PRR22: variants seen among roughly 807,000 people sequenced by gnomAD.
PRR22 encodes proline-rich protein 22.
PRR22 carries 5 observed loss-of-function variants against 7.2 expected under a neutral mutation model. That is an observed-to-expected ratio of 0.69 (90% CI 0.36 to 1.45). PRR22 has a LOEUF of 1.45. Ranked by LOEUF, PRR22 falls within the 40% of genes most tolerant of loss-of-function variation. The pLI is 0.03. For synonymous variants in PRR22, 319 were observed against 269.3 expected (o/e 1.18, Z -1.81); for missense variants, 619 against 568.8 (o/e 1.09, Z -0.90).
rs2056816075 is a variant in PRR22, at chr19:5,783,934, C to T, written c.313G>A (p.Ala105Thr). ...YKLAASSGGP[A>T]GVPSAPGSYL... ...CTGCCTGGGGCGGAGGGGACCCCCG[C>T]TGGCCCCCCGCTGCTTGCTGCCAGC... The change falls in exon 3 of 3, where the codon GCG becomes ACG. Residue 105 changes from alanine to threonine, a missense_variant. Coordinates refer to ENST00000419421, the MANE Select transcript of PRR22 (RefSeq NM_001134316.2). 1.9e-6 allele frequency: 3 copies of T among 1,584,150 alleles called. No homozygotes were observed. Among genetic ancestry groups the T allele is most frequent in the Admixed American group, 1.8e-5 (1 of 54,060 alleles).
chr19:5,784,604 C>T lies in PRR22; in HGVS notation c.57G>A (p.Pro19=), dbSNP rs576243003. Reference sequence around the variant, plus strand: ...GCACCTCAGCCCCCTCCAGACTCTGCGGGCTGAAACCTTCCTGGGGAGCTG... The same window carrying T: ...GCACCTCAGCCCCCTCCAGACTCTGTGGGCTGAAACCTTCCTGGGGAGCTG... ...APAAPQEGFS[P]QSLEGAEVLG... is the part of the protein sequence containing the mutation. The change falls in exon 1 of 3, where the codon CCG becomes CCA. Residue 19 remains proline (P), a synonymous_variant. Transcript: ENST00000419421. The T allele has an allele frequency of 1.0e-4, 154 of 1,540,752 alleles. No homozygotes were observed. Among genetic ancestry groups the T allele is most frequent in the Middle Eastern group, 2.2e-4 (1 of 4,632 alleles).
rs1425578762 is a variant in PRR22 at position 5,783,855 on chromosome 19, G to A, written c.392C>T (p.Pro131Leu). 3 of 1,563,136 alleles carry A rather than the reference G, an allele frequency of 1.9e-6. No individual in the cohort carries two copies. In the African/African-American group the frequency reaches 4.1e-5, roughly 21 times the overall value. ...CCCCCCGGGTGCCTGCTGGTAGTGG[G>A]GGTATGGAGGCAGCCCCGGGGCCTT... is the stretch of plus-strand genomic sequence containing the variant. ...YLKAPGLPPY[P>L]HYQQAPGGPQ... The change falls in exon 3 of 3, where the codon CCC becomes CTC. Residue 131 changes from proline (P) to leucine (L), a missense_variant. Coordinates refer to ENST00000419421, the MANE Select transcript of PRR22 (RefSeq NM_001134316.2).
Position 5,783,258 on chromosome 19 carries a change from C to A in PRR22, c.989G>T (p.Cys330Phe). 2 of 1,612,846 alleles carry A rather than the reference C, an allele frequency of 1.2e-6. No individual in the cohort carries two copies. Among genetic ancestry groups the A allele is most frequent in the Admixed American group, 1.7e-5 (1 of 60,016 alleles). ...AAAGGACAGCAGCTCCTCGGGCAGG[C>A]ACAGCGAGCGGATGTCATCGGCTGA... ...GNSADDIRSL[C>F]LPEELLSFDY... The change falls in exon 3 of 3, where the codon TGC (cysteine) becomes TTC (phenylalanine). Residue 330 changes from cysteine (C) to phenylalanine (F), a missense_variant. By Grantham distance (205) the Cys-to-Phe change is radical. Transcript: ENST00000419421.
Position 5,783,284 on chromosome 19 carries a change from G to A in PRR22, c.963C>T (p.Asn321=), listed in dbSNP as rs753864833. The part of the protein sequence containing the change: ...GPALPDSSGG[N]SADDIRSLCL... ...ACAGCGAGCGGATGTCATCGGCTGA[G>A]TTCCCACCACTGCTGTCAGGCAGGG... The change falls in exon 3 of 3, where the codon AAC becomes AAT. Residue 321 remains asparagine (N), a synonymous_variant. Coordinates refer to ENST00000419421, the MANE Select transcript of PRR22 (RefSeq NM_001134316.2). The A allele has an allele frequency of 9.9e-6, 16 of 1,612,880 alleles. No homozygotes were observed. Among genetic ancestry groups the A allele is most frequent in the Admixed American group, 3.3e-5 (2 of 60,022 alleles).
In PRR22 at chr19:5,783,603, T is replaced by C. The variant is rs2436489; in HGVS notation, c.644A>G (p.Gln215Arg). 2 of 1,548,576 alleles carry C rather than the reference T, an allele frequency of 1.3e-6. No homozygotes were observed. The highest frequency in any genetic ancestry group is 2.9e-5 in the African/African-American group (2 of 68,980). Residue 215 changes from glutamine (Q) to arginine (R), a missense_variant, in exon 3 of 3, where the codon CAG becomes CGG. By Grantham distance (43) the Gln-to-Arg change is conservative. Coordinates refer to ENST00000419421, the MANE Select transcript of PRR22 (RefSeq NM_001134316.2). Reference sequence around the variant, plus strand: ...CCCAGGGAAGTGGCCGAGGTGACCCTGGAGGTGGCTGTAGGCGTCTGGGGG... The same window carrying C: ...CCCAGGGAAGTGGCCGAGGTGACCCCGGAGGTGGCTGTAGGCGTCTGGGGG... ...TLPPDAYSHL[Q>R]GHLGHFPGPE...
rs768437778 is a variant in PRR22 at position 5,784,009 on chromosome 19, A to G, written c.238T>C (p.Tyr80His). 4 of 1,610,644 alleles carry G rather than the reference A, an allele frequency of 2.5e-6. No homozygotes were observed. The highest frequency in any genetic ancestry group is 3.4e-6 in the Non-Finnish European group (4 of 1,178,854). The change falls in exon 3 of 3, where the codon TAT (tyrosine) becomes CAT (histidine). Residue 80 changes from tyrosine to histidine, a missense_variant. Physicochemically the swap from Tyr to His is moderately conservative, Grantham distance 83 (BLOSUM62 2). Coordinates refer to ENST00000419421, the MANE Select transcript of PRR22 (RefSeq NM_001134316.2). ...PCGCFFDPRI[Y>H]RIEWTTPDLG... Reference sequence around the variant, plus strand: ...TCGGGGGTGGTCCACTCGATCCGATAGATGCGGGGGTCGAAGAAGCACCCG... The same window carrying G: ...TCGGGGGTGGTCCACTCGATCCGATGGATGCGGGGGTCGAAGAAGCACCCG...
rs1227049689 is a variant in PRR22 at position 5,784,436 on chromosome 19, G to A, written c.134C>T (p.Ser45Phe). ...TCAEPPPAMG[S>F]LNLYHPPDPE... ...GTCTGGGGGATGATACAGGTTCAAG[G>A]AGCCTGTGGACAAAGGTGCCCAGGT... is the stretch of plus-strand genomic sequence containing the variant. Residue 45 changes from serine (S) to phenylalanine (F), a missense_variant, in exon 2 of 3, where the codon TCC becomes TTC. Ser to Phe is a radical substitution (Grantham distance 155). Coordinates refer to ENST00000419421, the MANE Select transcript of PRR22 (RefSeq NM_001134316.2). 5.1e-6 allele frequency: 8 copies of A among 1,559,234 alleles called. No homozygotes were observed. The highest frequency in any genetic ancestry group is 2.0e-5 in the Admixed American group (1 of 51,238).
At chr19:5,784,222 G>A (rs1380529974) in intron 2 of PRR22, 155 bp downstream of exon 2, 10 of 1,075,132 alleles carry the variant, frequency 9.3e-6, no homozygotes, top group South Asian at 7.6e-5. Context: ...ATGACACAGA[G>A]CTTGTCTTTG....
Position 5,783,582 on chromosome 19 carries a change from G to A in PRR22, c.665C>T (p.Pro222Leu), listed in dbSNP as rs1345675628. The change falls in exon 3 of 3, where the codon CCT becomes CTT. Residue 222 changes from proline to leucine, a missense_variant. Pro to Leu is a moderately conservative substitution (Grantham distance 98). Transcript: ENST00000419421. ...SHLQGHLGHF[P>L]GPEPLAFPVK... Reference sequence around the variant, plus strand: ...GGGGAAGGCCAGGGGTTCGGGCCCAGGGAAGTGGCCGAGGTGACCCTGGAG... The same window carrying A: ...GGGGAAGGCCAGGGGTTCGGGCCCAAGGAAGTGGCCGAGGTGACCCTGGAG... The A allele has an allele frequency of 1.2e-6, 2 of 1,607,268 alleles. No individual in the cohort carries two copies. Among genetic ancestry groups the A allele is most frequent in the Non-Finnish European group, 1.7e-6 (2 of 1,178,008 alleles).
Position 5,783,851 on chromosome 19 carries a change from G to A in PRR22, c.396C>T (p.His132=), listed in dbSNP as rs1477934344. The A allele has an allele frequency of 6.4e-7, 1 of 1,558,564 alleles. No homozygotes were observed. The highest frequency in any genetic ancestry group is 1.2e-5 in the South Asian group (1 of 85,612). The part of the protein sequence containing the change: ...LKAPGLPPYP[H]YQQAPGGPQF... ...GGGGCCCCCCGGGTGCCTGCTGGTA[G>A]TGGGGGTATGGAGGCAGCCCCGGGG... is the stretch of plus-strand genomic sequence containing the variant. Residue 132 remains histidine (H), a synonymous_variant, in exon 3 of 3, where the codon CAC becomes CAT. Transcript: ENST00000419421.
chr19:5,783,209 C>G lies in PRR22; in HGVS notation c.1038G>C (p.Leu346=). 1.2e-6 allele frequency: 2 copies of G among 1,612,804 alleles called. No individual in the cohort carries two copies. The highest frequency in any genetic ancestry group is 1.7e-6 in the Non-Finnish European group (2 of 1,179,984). The change falls in exon 3 of 3, where the codon CTG becomes CTC. Residue 346 remains leucine (L), a synonymous_variant. Transcript: ENST00000419421. ...AGTAGTCAACGTTGGACACGGTGTCCAGGATCTCAGGCACGCTGTAGTCAA... is the reference window on the plus strand; with the variant it reads ...AGTAGTCAACGTTGGACACGGTGTCGAGGATCTCAGGCACGCTGTAGTCAA... ...LSFDYSVPEI[L]DTVSNVDYFF...
At position 5,784,529 on chromosome 19, in the gene PRR22, A is replaced by G. The variant is rs1291031799; in HGVS notation, c.130+2T>C. The G allele has an allele frequency of 1.1e-5, 17 of 1,549,976 alleles. No individual in the cohort carries two copies. In the Admixed American group the frequency reaches 3.1e-4, roughly 29 times the overall value. Reference sequence around the variant, plus strand: ...CAGGTGCTCCCACCCACCCGATCGTACCCATAGCGGGAGGAGGCTCGGCAC... The same window carrying G: ...CAGGTGCTCCCACCCACCCGATCGTGCCCATAGCGGGAGGAGGCTCGGCAC... On this transcript the variant is annotated splice_donor_variant, in intron 1 of 2. Coordinates refer to ENST00000419421, the MANE Select transcript of PRR22 (RefSeq NM_001134316.2). LOFTEE classifies it high-confidence loss of function.
chr19:5,783,453 C>G lies in PRR22; in HGVS notation c.794G>C (p.Gly265Ala). Residue 265 changes from glycine to alanine, a missense_variant, in exon 3 of 3, where the codon GGA (glycine) becomes GCA (alanine). Coordinates refer to ENST00000419421, the MANE Select transcript of PRR22 (RefSeq NM_001134316.2). ...CTTGGGGGCCTTGGCCTTGCCTGCT[C>G]CCAGCAGGGCCCCCTCCTTGACCTC... ...VAEVKEGALLGAGKAKAPKTA... is the reference protein window; with the variant it reads ...VAEVKEGALLAAGKAKAPKTA... 1 of 1,609,536 alleles carries G rather than the reference C, an allele frequency of 6.2e-7. No homozygotes were observed. The highest frequency in any genetic ancestry group is 8.5e-7 in the Non-Finnish European group (1 of 1,178,326).
intron 2 of PRR22, 127 bp from the exon 3 acceptor site, chr19:5,784,180 G>C (rs754796792): frequency 9.2e-7 from 1 of 1,081,198 alleles, no homozygotes; most frequent in African/African-American, 1.6e-5. Flanking sequence ...GGACGACATA[G>C]ATATTGCTTT....
At position 5,783,894 on chromosome 19, in the gene PRR22, G is replaced by A. The variant is rs3745640; in HGVS notation, c.353C>T (p.Pro118Leu). The change falls in exon 3 of 3, where the codon CCT becomes CTT. Residue 118 changes from proline to leucine, a missense_variant. Physicochemically the swap from Pro to Leu is moderately conservative, Grantham distance 98. Coordinates refer to ENST00000419421, the MANE Select transcript of PRR22 (RefSeq NM_001134316.2). ...CCCCGGGGCCTTGAGGTAGGGCTGA[G>A]GCTCCAGGAGGTAGCTGCCTGGGGC... The part of the protein sequence containing the change: ...PSAPGSYLLE[P>L]QPYLKAPGLP... 285,353 of 1,572,408 alleles carry A rather than the reference G, an allele frequency of 0.18. 30,709 individuals carry two copies. The highest frequency in any genetic ancestry group is 0.48 in the East Asian group (20,254 of 42,124).
rs746127683 is a variant in PRR22 at position 5,783,708 on chromosome 19, G to A, written c.539C>T (p.Pro180Leu). 1.4e-5 allele frequency: 21 copies of A among 1,517,680 alleles called. No homozygotes were observed. The Middle Eastern group carries it at 5.3e-4, about 39-fold the overall frequency. 94.0% of individuals were successfully genotyped at this position (1,517,680 alleles called of 1,614,324 possible). ...GGGGGGTGGGGGTGGCAGCGGGGCC[G>A]GGCCTTCCTCTAGGGGCGGTAGGGG... ...ELPLPPLEEG[P>L]APLPPPPPKE... The change falls in exon 3 of 3, where the codon CCG becomes CTG. Residue 180 changes from proline to leucine, a missense_variant. Physicochemically the swap from Pro to Leu is moderately conservative, Grantham distance 98 (BLOSUM62 -3). Coordinates refer to ENST00000419421, the MANE Select transcript of PRR22 (RefSeq NM_001134316.2).
Position 5,783,904 on chromosome 19 carries a change from G to A in PRR22, c.343C>T (p.Leu115Phe), listed in dbSNP as rs1228514646. Residue 115 changes from leucine to phenylalanine, a missense_variant, in exon 3 of 3, where the codon CTC (leucine) becomes TTC (phenylalanine). Leu to Phe is a conservative substitution (Grantham distance 22). Transcript: ENST00000419421. ...AGVPSAPGSY[L>F]LEPQPYLKAP... ...TTGAGGTAGGGCTGAGGCTCCAGGAGGTAGCTGCCTGGGGCGGAGGGGACC... is the reference window on the plus strand; with the variant it reads ...TTGAGGTAGGGCTGAGGCTCCAGGAAGTAGCTGCCTGGGGCGGAGGGGACC... The A allele has an allele frequency of 1.3e-6, 2 of 1,574,684 alleles. No individual in the cohort carries two copies. The highest frequency in any genetic ancestry group is 1.7e-6 in the Non-Finnish European group (2 of 1,161,380).
rs1296670593 is a variant in PRR22 at position 5,783,137 on chromosome 19, C to T, written c.1110G>A (p.Gly370=). The T allele has an allele frequency of 1.2e-6, 2 of 1,612,340 alleles. No homozygotes were observed. Among genetic ancestry groups the T allele is most frequent in the Admixed American group, 1.7e-5 (1 of 59,988 alleles). Residue 370 remains glycine (G), a synonymous_variant, in exon 3 of 3, where the codon GGG becomes GGA. Coordinates refer to ENST00000419421, the MANE Select transcript of PRR22 (RefSeq NM_001134316.2). ...ALDEEQPPHP[G]PPATNTPAPI... The stretch of plus-strand genomic sequence containing the variant: ...GGGCCGGGGTGTTGGTGGCAGGGGG[C>T]CCCGGGTGGGGCGGCTGCTCCTCGT...
In PRR22 at chr19:5,784,012, T is replaced by G; in HGVS notation, c.235A>C (p.Ile79Leu). The G allele has an allele frequency of 6.2e-7, 1 of 1,610,772 alleles. No homozygotes were observed. Among genetic ancestry groups the G allele is most frequent in the Non-Finnish European group, 8.5e-7 (1 of 1,178,976 alleles). ...APCGCFFDPR[I>L]YRIEWTTPDL... The stretch of plus-strand genomic sequence containing the variant: ...GGGGTGGTCCACTCGATCCGATAGA[T>G]GCGGGGGTCGAAGAAGCACCCGCAT... Residue 79 changes from isoleucine to leucine, a missense_variant, in exon 3 of 3, where the codon ATC becomes CTC. By Grantham distance (5) the Ile-to-Leu change is conservative. Transcript: ENST00000419421.
Sources: gnomAD v4.1 joint callset for allele counts on GRCh38, gnomAD v4.1.1 for gene constraint, MANE v1.5 for transcripts, NCBI Gene and HGNC (gene_info 2026-07-23, HGNC 2026-07-21) for gene names.